The following TMEM243 variants were observed in gnomAD, a reference collection of about 807,000 sequenced individuals.
TMEM243 encodes MDR1 and mitochondrial taxol resistance associated.
In TMEM243, 20 loss-of-function variants were observed where a neutral mutation model predicts 15.0. The ratio of observed to expected loss-of-function variants is 1.33; its 90% CI spans 0.94 to 1.93. The LOEUF (loss-of-function observed/expected upper bound fraction) is 1.93. Ranked by LOEUF, TMEM243 falls within the 30% of genes most tolerant of loss-of-function variation. TMEM243 has a pLI of 0.00. For missense variants in TMEM243, 156 were observed against 142.1 expected, an observed-to-expected ratio of 1.10 and a Z score of -0.50; for synonymous variants, 72 against 52.7, an observed-to-expected ratio of 1.37 and a Z score of -1.59.
chr7:87,199,636 A>C (rs1801635455), intron 1 of TMEM243: 1 of 152,132 alleles, frequency 6.6e-6, no homozygotes, highest in African/African-American at 2.4e-5. Flanking sequence ...TTAGTATATA[A>C]ACAAAATATT....
At chr7:87,214,732 T>C (rs1802987426) in intron 1 of TMEM243, among the ~76,000 whole-genome samples, 1 of 152,198 alleles carries the variant, frequency 6.6e-6, no homozygotes, top group Admixed American at 6.5e-5. Flanking sequence ...TCTGAAATGG[T>C]TGGGTATCCC....
intron 3 of TMEM243, among the ~76,000 whole-genome samples, chr7:87,197,183 G>A (rs1801356218): frequency 6.6e-6 from 1 of 152,102 alleles, no homozygotes; most frequent in Non-Finnish European, 1.5e-5. Flanking sequence ...CTTCAAGCTA[G>A]GGGAACAGGA....
chr7:87,210,364 C>T (rs938250071), intron 1 of TMEM243, among the ~76,000 whole-genome samples: 11 of 152,162 alleles, frequency 7.2e-5, no homozygotes, highest in African/African-American at 2.4e-4. Context: ...ACAGTCCCCC[C>T]GAAGTCTTAA....
At chr7:87,215,912 G>C (rs1034190297) in intron 1 of TMEM243, among the ~76,000 whole-genome samples, 1 of 152,128 alleles carries the variant, frequency 6.6e-6, no homozygotes, top group African/African-American at 2.4e-5. Context: ...GCTGAGGTGG[G>C]AGGATCGCTT....
chr7:87,200,628 G>A (rs1801729250), intron 1 of TMEM243, among the ~76,000 whole-genome samples: 1 of 152,036 alleles, frequency 6.6e-6, no homozygotes, highest in African/African-American at 2.4e-5. Flanking sequence ...GAAAAATAAT[G>A]GTAAAAGGAT....
Position 87,197,864 on chromosome 7 carries a change from C to T in TMEM243, c.234+77G>A, listed in dbSNP as rs141327172. On this transcript the variant is annotated intron_variant, in intron 3 of 3. Coordinates refer to ENST00000257637, the MANE Select transcript of TMEM243 (RefSeq NM_024315.4). ...TAAGAGATACCCTTTTGTATAGACCCAAGGCTGAAAATTTTTGTCCTGTGC... is the reference window on the plus strand; with the variant it reads ...TAAGAGATACCCTTTTGTATAGACCTAAGGCTGAAAATTTTTGTCCTGTGC... The T allele has an allele frequency of 8.4e-5, 135 of 1,605,012 alleles. 1 individual carries two copies. Among genetic ancestry groups the T allele is most frequent in the East Asian group, 9.1e-5 (4 of 43,858 alleles).
intron 1 of TMEM243, among the ~76,000 whole-genome samples, chr7:87,203,667 T>TGAA (rs1324070295): frequency 6.6e-6 from 1 of 151,916 alleles, no homozygotes; most frequent in Admixed American, 6.6e-5. Flanking sequence ...AATGTTTGTA[T>TGAA]GAAGATTTCT....
intron 1 of TMEM243, among the ~76,000 whole-genome samples, chr7:87,218,981 T>C (rs1257728159): frequency 1.3e-5 from 2 of 152,126 alleles, no homozygotes; most frequent in Admixed American, 6.5e-5. Flanking sequence ...TTTCCTTGCT[T>C]GGCTGCTTCA....
intron 1 of TMEM243, among the ~76,000 whole-genome samples, chr7:87,209,489 A>T (rs1373806651): frequency 2.9e-5 from 4 of 136,004 alleles, no homozygotes; most frequent in African/African-American, 8.7e-5. Flanking sequence ...AGATAGTGAG[A>T]GAGAGAGAGA....
chr7:87,209,684 C>CAG (rs1554365988), intron 1 of TMEM243, among the ~76,000 whole-genome samples: 3 of 73,288 alleles, frequency 4.1e-5, no homozygotes, highest in African/African-American at 1.5e-4. Flanking sequence ...GAGCGAGACA[C>CAG]AGCGAGAGAG....
intron 1 of TMEM243, among the ~76,000 whole-genome samples, chr7:87,214,550 A>T (rs1016007028): frequency 2.2e-4 from 34 of 152,188 alleles, no homozygotes; most frequent in Admixed American, 8.5e-4. Context: ...TAGGGCTAAA[A>T]AGGCCACACC....
intron 1 of TMEM243, chr7:87,202,877 T>G (rs1266807626): frequency 6.6e-6 from 1 of 152,246 alleles, no homozygotes; most frequent in Non-Finnish European, 1.5e-5. Context: ...GTTCTTACAC[T>G]TTATGGTTCT....
intron 1 of TMEM243, among the ~76,000 whole-genome samples, chr7:87,209,172 G>GT (rs1802429775): frequency 6.6e-6 from 1 of 152,172 alleles, no homozygotes; most frequent in South Asian, 2.1e-4. Flanking sequence ...AACTACCTGA[G>GT]ACTGGGTAAT....
Position 87,209,514 on chromosome 7 carries a change from CAGTG to C in TMEM243, c.78+9908_78+9911del, listed in dbSNP as rs1290013521. Reference sequence around the variant, plus strand: ...AGAGAGAGAGAGAGAGTGAGAAAGACAGTGAGAGAGAGAGTGAGAGAGAAAGTGA... The same window carrying C: ...AGAGAGAGAGAGAGAGTGAGAAAGACAGAGAGAGAGTGAGAGAGAAAGTGA... On this transcript the variant is annotated intron_variant, in intron 1 of 3. Transcript: ENST00000257637. Among the ~76,000 whole-genome samples the C allele has an allele frequency of 1.4e-3, 128 of 91,392 alleles. 1 individual carries two copies. The highest frequency in any genetic ancestry group is 4.8e-3 in the African/African-American group (102 of 21,420). The allele number at this position is 91,392 out of a possible 152,430, so 60.0% of individuals were successfully genotyped here. A position where few individuals can be genotyped will look rare whatever the true frequency, so the allele number is the denominator to read the frequency against.
At chr7:87,210,338 C>T (rs1303595746) in intron 1 of TMEM243, among the ~76,000 whole-genome samples, 1 of 152,152 alleles carries the variant, frequency 6.6e-6, no homozygotes, top group Admixed American at 6.5e-5. Context: ...ATTTCAAAAC[C>T]AATCATGCCT....
At position 87,196,587 on chromosome 7, in the gene TMEM243, C is replaced by T. The variant is rs1283028140; in HGVS notation, c.*49G>A. ...CCTTATCCAAAAATTACTCACTGTCCTAATGTATCATTTTGAAGAGTCCTG... is the reference window on the plus strand; with the variant it reads ...CCTTATCCAAAAATTACTCACTGTCTTAATGTATCATTTTGAAGAGTCCTG... On this transcript the variant is annotated 3_prime_UTR_variant, in exon 4 of 4. Coordinates refer to ENST00000257637, the MANE Select transcript of TMEM243 (RefSeq NM_024315.4). 2.5e-6 allele frequency: 4 copies of T among 1,573,380 alleles called. No homozygotes were observed. The highest frequency in any genetic ancestry group is 1.7e-6 in the Non-Finnish European group (2 of 1,164,176).
intron 1 of TMEM243, among the ~76,000 whole-genome samples, chr7:87,205,299 A>T (rs1802125347): frequency 6.7e-6 from 1 of 150,154 alleles, no homozygotes; most frequent in South Asian, 2.1e-4. Flanking sequence ...GGCTCCTCTT[A>T]CTTGTGCAAA....
intron 1 of TMEM243, among the ~76,000 whole-genome samples, chr7:87,213,510 T>A (rs1048788875): frequency 1.3e-5 from 2 of 152,174 alleles, no homozygotes; most frequent in Admixed American, 6.5e-5. Flanking sequence ...GAGAATAGCA[T>A]TGGTAGCTCT....
Position 87,199,064 on chromosome 7 carries a change from GAGAAA to G in TMEM243, c.79-12_79-8del. 1 of 1,603,836 alleles carries G rather than the reference GAGAAA, an allele frequency of 6.2e-7. No individual in the cohort carries two copies. Among genetic ancestry groups the G allele is most frequent in the Non-Finnish European group, 8.5e-7 (1 of 1,176,416 alleles). On this transcript the variant is annotated splice_region_variant and splice_polypyrimidine_tract_variant and intron_variant, in intron 1 of 3. Transcript: ENST00000257637. ...CTAAATTGATGATTCGATCCTGAAAGAGAAAAGAATTTTTAAGCCATATGACTTGG... is the reference window on the plus strand; with the variant it reads ...CTAAATTGATGATTCGATCCTGAAAGAGAATTTTTAAGCCATATGACTTGG...
Sources: gnomAD v4.1 joint callset for allele counts (sites outside exome capture counted in the v4.1 genomes callset) on GRCh38, gnomAD v4.1.1 for gene constraint, MANE v1.5 for transcripts, NCBI Gene and HGNC (gene_info 2026-07-23, HGNC 2026-07-21) for gene names.